CRADD: variants seen among roughly 807,000 people sequenced by gnomAD.
The protein encoded by CRADD is CARD and death domain containing adaptor protein.
Under a neutral mutation model 15.5 loss-of-function variants are expected in CRADD, and 9 were observed. That is an observed-to-expected ratio of 0.58 (90% CI 0.35 to 1.01). CRADD has a LOEUF of 1.01. Ranked by LOEUF, CRADD falls within the 50% of genes least tolerant of loss-of-function variation. The pLI is 0.02. For missense variants in CRADD, 227 were observed against 250.3 expected (o/e 0.91, Z 0.63); for synonymous variants, 118 against 107.6 (o/e 1.10, Z -0.60).
intron 2 of CRADD, among the ~76,000 whole-genome samples, chr12:93,868,258 A>G (rs896119174): frequency 6.6e-6 from 1 of 152,210 alleles, no homozygotes; most frequent in Non-Finnish European, 1.5e-5. Flanking sequence ...TTCATTATAG[A>G]GGATTATTTC....
At chr12:93,889,957 C>T (rs1354444041) in intron 2 of CRADD, among the ~76,000 whole-genome samples, 1 of 152,216 alleles carries the variant, frequency 6.6e-6, no homozygotes, top group Admixed American at 6.5e-5. Context: ...AAAAGACCTG[C>T]CCTAACAAAA....
At chr12:93,782,594 GAA>G (rs77333769) in intron 2 of CRADD, among the ~76,000 whole-genome samples, 24 of 114,980 alleles carry the variant, frequency 2.1e-4, no homozygotes, top group African/African-American at 4.1e-4. Context: ...TCCGTCTCAG[GAA>G]AAAAAAAAAA....
At chr12:93,717,025 C>T (rs1956174543) in intron 2 of CRADD, among the ~76,000 whole-genome samples, 1 of 152,244 alleles carries the variant, frequency 6.6e-6, no homozygotes, top group African/African-American at 2.4e-5. Flanking sequence ...TTGCATCACA[C>T]TATACCAGCA....
At chr12:93,746,129 A>G (rs1956745533) in intron 2 of CRADD, among the ~76,000 whole-genome samples, 1 of 152,224 alleles carries the variant, frequency 6.6e-6, no homozygotes, top group Non-Finnish European at 1.5e-5. Context: ...TCTAGCAGCC[A>G]AAACAAAAAG....
intron 2 of CRADD, among the ~76,000 whole-genome samples, chr12:93,866,547 A>T (rs980521590): frequency 3.3e-5 from 5 of 152,058 alleles, no homozygotes; most frequent in African/African-American, 1.2e-4. Context: ...AGTTACTTTA[A>T]TCTCTTTGTT....
At chr12:93,815,338 T>G (rs1368733809) in intron 2 of CRADD, 1 of 152,352 alleles carries the variant, frequency 6.6e-6, no homozygotes, top group African/African-American at 2.4e-5. Context: ...TAATGATGTT[T>G]GAGTCACTAA....
intron 2 of CRADD, among the ~76,000 whole-genome samples, chr12:93,682,450 T>C (rs1369011949): frequency 6.6e-6 from 1 of 152,208 alleles, no homozygotes; most frequent in Non-Finnish European, 1.5e-5. Flanking sequence ...GGAATGGCCT[T>C]CTTTTTTAGC....
At chr12:93,804,616 C>G (rs1460705507) in intron 2 of CRADD, among the ~76,000 whole-genome samples, 1 of 152,104 alleles carries the variant, frequency 6.6e-6, no homozygotes, top group Non-Finnish European at 1.5e-5. Context: ...TGGCTAGTGA[C>G]ACCATTAAGA....
chr12:93,803,953 C>G (rs1030683443), intron 2 of CRADD, among the ~76,000 whole-genome samples: 1 of 152,070 alleles, frequency 6.6e-6, no homozygotes, highest in African/African-American at 2.4e-5. Context: ...AAGATGGTGG[C>G]AAGGCCTTGG....
chr12:93,862,106 T>G (rs371325822), intron 2 of CRADD, among the ~76,000 whole-genome samples: 3 of 152,184 alleles, frequency 2.0e-5, no homozygotes, highest in South Asian at 4.1e-4. Flanking sequence ...TTGTGAGGCC[T>G]CCTCAGCCAT....
At chr12:93,791,062 AATACT>A (rs1276515624) in intron 2 of CRADD, among the ~76,000 whole-genome samples, 2 of 152,138 alleles carry the variant, frequency 1.3e-5, no homozygotes, top group Non-Finnish European at 2.9e-5. Flanking sequence ...AGATTTTTAA[AATACT>A]ATATTATGTA....
intron 2 of CRADD, among the ~76,000 whole-genome samples, chr12:93,699,240 C>T (rs926480747): frequency 1.3e-5 from 2 of 152,184 alleles, no homozygotes; most frequent in Non-Finnish European, 2.9e-5. Context: ...ATATCATTAT[C>T]TTTGCCATTT....
intron 2 of CRADD, among the ~76,000 whole-genome samples, chr12:93,732,932 T>C (rs542105807): frequency 4.5e-4 from 69 of 152,350 alleles, no homozygotes; most frequent in African/African-American, 1.6e-3. Flanking sequence ...CACACTGTCT[T>C]GTCTAATAGA....
chr12:93,801,624 C>G (rs530692741), intron 2 of CRADD, among the ~76,000 whole-genome samples: 6 of 152,302 alleles, frequency 3.9e-5, no homozygotes, highest in South Asian at 2.1e-4. Flanking sequence ...GTCTTGAACT[C>G]CTGACCTCAG....
intron 2 of CRADD, among the ~76,000 whole-genome samples, chr12:93,763,677 A>G (rs550165893): frequency 1.3e-5 from 2 of 152,262 alleles, no homozygotes; most frequent in Non-Finnish European, 1.5e-5. Context: ...AAAATGGAAA[A>G]TTGGGAAGAC....
chr12:93,880,455 C>T (rs1958489489), intron 2 of CRADD, among the ~76,000 whole-genome samples: 1 of 152,112 alleles, frequency 6.6e-6, no homozygotes, highest in Non-Finnish European at 1.5e-5. Context: ...AATCAGAGTC[C>T]TAGTCATATT....
At chr12:93,733,937 A>T (rs1459823096) in intron 2 of CRADD, among the ~76,000 whole-genome samples, 1 of 151,958 alleles carries the variant, frequency 6.6e-6, no homozygotes, top group African/African-American at 2.4e-5. Flanking sequence ...GGGTTTTGCC[A>T]TGTTGCCCAG....
At chr12:93,700,663 C>G (rs945513224) in intron 2 of CRADD, among the ~76,000 whole-genome samples, 1 of 152,300 alleles carries the variant, frequency 6.6e-6, no homozygotes, top group East Asian at 1.9e-4. Flanking sequence ...ATCTCCTGAC[C>G]TCGTGATCTG....
intron 2 of CRADD, among the ~76,000 whole-genome samples, chr12:93,689,931 G>A (rs1466701390): frequency 6.6e-6 from 1 of 152,212 alleles, no homozygotes; most frequent in Non-Finnish European, 1.5e-5. Context: ...CTTTATAGAT[G>A]AGGAAACGAA....
Sources: gnomAD v4.1 joint callset for allele counts (sites outside exome capture counted in the v4.1 genomes callset) on GRCh38, gnomAD v4.1.1 for gene constraint, MANE v1.5 for transcripts, NCBI Gene and HGNC (gene_info 2026-07-23, HGNC 2026-07-21) for gene names.